RBFOX2: variants seen among roughly 807,000 people sequenced by gnomAD.
RBFOX2 encodes the protein RNA binding protein fox-1 homolog 2.
A neutral mutation model predicts 49.1 loss-of-function variants in RBFOX2; 10 were observed. The ratio of observed to expected loss-of-function variants is 0.20; its 90% CI spans 0.13 to 0.35. The LOEUF is 0.35. Ranked by LOEUF, RBFOX2 falls within the 10% of genes least tolerant of loss-of-function variation. RBFOX2 has a pLI of 1.00. For synonymous variants in RBFOX2, 183 were observed against 187.4 expected, an observed-to-expected ratio of 0.98 and a Z score of 0.19; for missense variants, 323 against 486.9, an observed-to-expected ratio of 0.66 and a Z score of 3.17.
rs757386488 is a variant in RBFOX2, at chr22:35,757,223, TAA to T, written c.887+2663_887+2664del. Among the ~76,000 whole-genome samples, 26 of 131,908 alleles carry T rather than the reference TAA, an allele frequency of 2.0e-4. No homozygotes were observed. In the South Asian group the frequency reaches 2.7e-3, roughly 14 times the overall value. 86.5% of individuals were successfully genotyped at this position (131,908 alleles called of 152,430 possible). A position where few individuals can be genotyped will look rare whatever the true frequency, so the allele number is the denominator to read the frequency against. On this transcript the variant is annotated intron_variant, in intron 9 of 11. Transcript: ENST00000405409. The stretch of plus-strand genomic sequence containing the variant: ...GTAGCAAACAGACAATGCATGACTT[TAA>T]AAAAAAAAAAAAAACAAAACCTAAG...
At chr22:35,959,375 C>A (rs914336559) in intron 1 of RBFOX2, among the ~76,000 whole-genome samples, 1 of 152,094 alleles carries the variant, frequency 6.6e-6, no homozygotes, top group African/African-American at 2.4e-5. Context: ...TACCCCTAGG[C>A]CAAGAAATAG....
intron 5 of RBFOX2, 82 bp from the exon 7 acceptor site, chr22:35,765,565 T>C (rs1161303944): frequency 4.3e-6 from 3 of 700,990 alleles, no homozygotes; most frequent in East Asian, 5.9e-5. Flanking sequence ...AATAACAGAG[T>C]ATTTAGTTTA....
intron 1 of RBFOX2, among the ~76,000 whole-genome samples, chr22:35,828,026 T>C (rs1225907895): frequency 6.6e-6 from 1 of 152,130 alleles, no homozygotes. Flanking sequence ...CAGGGCATAA[T>C]GGCACATGCC....
chr22:35,823,177 T>C (rs1012727573), intron 1 of RBFOX2, among the ~76,000 whole-genome samples: 1 of 152,190 alleles, frequency 6.6e-6, no homozygotes, highest in African/African-American at 2.4e-5. Context: ...TGCTGACTAC[T>C]GCCACTGGGA....
chr22:36,005,604 A>AT (rs1178334172), intron 1 of RBFOX2, among the ~76,000 whole-genome samples: 2 of 152,182 alleles, frequency 1.3e-5, no homozygotes, highest in African/African-American at 4.8e-5. Context: ...GAAGTGTCCC[A>AT]TTTTCACCTA....
chr22:35,960,465 T>C (rs2056075625), intron 1 of RBFOX2, among the ~76,000 whole-genome samples: 1 of 152,188 alleles, frequency 6.6e-6, no homozygotes, highest in Non-Finnish European at 1.5e-5. Context: ...CCAATGGTAA[T>C]GTCACTGATT....
intron 1 of RBFOX2, chr22:35,992,546 T>C (rs1319584404): frequency 6.6e-6 from 1 of 152,052 alleles, no homozygotes; most frequent in African/African-American, 2.4e-5. Flanking sequence ...AAAAATGAAA[T>C]CAAATGGTTT....
chr22:35,876,088 T>C (rs2149242757), intron 1 of RBFOX2, among the ~76,000 whole-genome samples: 1 of 152,356 alleles, frequency 6.6e-6, no homozygotes, highest in Non-Finnish European at 1.5e-5. Context: ...CTTATAGTGC[T>C]GTTCATTACC....
At chr22:35,866,019 CAG>C (rs2043641191) in intron 1 of RBFOX2, among the ~76,000 whole-genome samples, 1 of 152,144 alleles carries the variant, frequency 6.6e-6, no homozygotes, top group Non-Finnish European at 1.5e-5. Flanking sequence ...TTAGAAGACA[CAG>C]AGATCCAGCT....
chr22:35,837,276 A>G (rs1957839416), intron 1 of RBFOX2, among the ~76,000 whole-genome samples: 1 of 152,248 alleles, frequency 6.6e-6, no homozygotes, highest in Admixed American at 6.5e-5. Context: ...ACAGCTGAGC[A>G]ATGGAAACTG....
intron 1 of RBFOX2, among the ~76,000 whole-genome samples, chr22:35,824,093 G>A (rs1459353281): frequency 6.6e-6 from 1 of 151,920 alleles, no homozygotes; most frequent in African/African-American, 2.4e-5. Flanking sequence ...AGGTCACAGT[G>A]AGCCGAGATC....
At chr22:35,764,577 T>A (rs1602341077) in intron 6 of RBFOX2, among the ~76,000 whole-genome samples, 1 of 118,932 alleles carries the variant, frequency 8.4e-6, no homozygotes, top group African/African-American at 3.3e-5. Flanking sequence ...AAAGCGAGAC[T>A]CCGTCTCAAA....
chr22:35,801,298 A>G (rs1022798640), intron 2 of RBFOX2, among the ~76,000 whole-genome samples: 10 of 152,176 alleles, frequency 6.6e-5, no homozygotes, highest in African/African-American at 2.4e-4. Context: ...ATTGATGAGT[A>G]ATCAAACTGG....
chr22:35,803,529 T>C (rs1950144014), intron 2 of RBFOX2, among the ~76,000 whole-genome samples: 1 of 151,962 alleles, frequency 6.6e-6, no homozygotes, highest in Non-Finnish European at 1.5e-5. Flanking sequence ...ATACAAAAAT[T>C]AGCTGGGTTT....
At chr22:35,830,931 A>G (rs780486746) in intron 1 of RBFOX2, among the ~76,000 whole-genome samples, 1 of 152,166 alleles carries the variant, frequency 6.6e-6, no homozygotes, top group African/African-American at 2.4e-5. Flanking sequence ...CAGGGGATTC[A>G]TTCTATTATA....
At chr22:35,840,490 G>A (rs1042079538) in exon 1 of RBFOX2, 10 of 1,355,932 alleles carry the variant, frequency 7.4e-6, no homozygotes, top group Non-Finnish European at 9.5e-6. Flanking sequence ...AATGCCTAAG[G>A]TAATTAATCA....
chr22:35,878,759 T>C lies in RBFOX2; in HGVS notation c.-34+60088A>G, dbSNP rs569218782. Among the ~76,000 whole-genome samples, 8 of 151,150 alleles carry C rather than the reference T, an allele frequency of 5.3e-5. No individual in the cohort carries two copies. The East Asian group carries it at 1.6e-3, about 30-fold the overall frequency. ...GCATGGCCTGTTTTTTTATTTTTTA[T>C]TTATATTGTCACCCAGGCTGGAGTG... On this transcript the variant is annotated intron_variant, in intron 1 of 13. Transcript: ENST00000359369.
upstream of RBFOX2, among the ~76,000 whole-genome samples, chr22:35,965,829 A>C (rs896548377): frequency 2.6e-5 from 4 of 152,186 alleles, no homozygotes; most frequent in African/African-American, 9.7e-5. Context: ...AGGGAAAGCT[A>C]TCTATCAGCT....
At chr22:35,865,043 G>A (rs2043510143) in intron 1 of RBFOX2, among the ~76,000 whole-genome samples, 1 of 152,112 alleles carries the variant, frequency 6.6e-6, no homozygotes, top group South Asian at 2.1e-4. Flanking sequence ...AGTATTCATG[G>A]GTCTTTGGCT....
Sources: allele counts gnomAD v4.1 joint callset (sites outside exome capture counted in the v4.1 genomes callset), GRCh38; gene constraint gnomAD v4.1.1; transcripts MANE v1.5; gene names NCBI Gene and HGNC (gene_info 2026-07-23, HGNC 2026-07-21).